Variants in LHPP observed in about 807,000 individuals in gnomAD.
The protein encoded by LHPP is phospholysine phosphohistidine inorganic pyrophosphate phosphatase.
In LHPP, 24 loss-of-function variants were observed where a neutral mutation model predicts 30.3. The observed-to-expected ratio is 0.79, with a 90% CI of 0.57 to 1.11. The LOEUF (loss-of-function observed/expected upper bound fraction) is 1.11, where lower values mean the gene tolerates loss of function less well. Ranked by LOEUF, LHPP falls within the 50% of genes most tolerant of loss-of-function variation. LHPP has a pLI of 0.00. For missense variants in LHPP, 356 were observed against 367.2 expected (o/e 0.97, Z 0.25); for synonymous variants, 150 against 157.1 (o/e 0.95, Z 0.34).
chr10:124,495,676 C>T (rs887336567), intron 3 of LHPP, among the ~76,000 whole-genome samples: 2 of 152,188 alleles, frequency 1.3e-5, no homozygotes, highest in Non-Finnish European at 2.9e-5. Flanking sequence ...ACATTTCAGC[C>T]CCCAAATTGA....
chr10:124,613,202 T>C, intron 6 of LHPP, 62 bp from the exon 7 acceptor site: 1 of 1,212,912 alleles, frequency 8.2e-7, no homozygotes, highest in East Asian at 2.3e-5. Flanking sequence ...GCTGGGAGGG[T>C]GGGTGTGGCT....
chr10:124,489,426 G>A (rs929668606), intron 3 of LHPP, among the ~76,000 whole-genome samples: 7 of 152,108 alleles, frequency 4.6e-5, no homozygotes, highest in African/African-American at 7.2e-5. Context: ...ATGTCTTGGG[G>A]CATGGTTATC....
intron 6 of LHPP, among the ~76,000 whole-genome samples, chr10:124,551,971 C>T (rs1054855682): frequency 1.3e-5 from 2 of 152,156 alleles, no homozygotes; most frequent in African/African-American, 4.8e-5. Flanking sequence ...CCCATCACAG[C>T]CTCCCCACTG....
chr10:124,475,376 C>CT lies in LHPP; in HGVS notation c.126-8762dup, dbSNP rs530036191. Among the ~76,000 whole-genome samples the CT allele has an allele frequency of 4.7e-3, 715 of 151,764 alleles. 6 individuals carry two copies. Among genetic ancestry groups the CT allele is most frequent in the African/African-American group, 0.017 (693 of 41,458 alleles). On this transcript the variant is annotated intron_variant, in intron 1 of 6. Coordinates refer to ENST00000368842, the MANE Select transcript of LHPP (RefSeq NM_022126.4). ...CCAACATGGTGAAACCCCATCTCTA[C>CT]TAAAAATACAAAAAATAAGCTGGGC...
chr10:124,502,371 CT>C (rs199524033), intron 5 of LHPP, among the ~76,000 whole-genome samples: 12 of 147,286 alleles, frequency 8.1e-5, no homozygotes, highest in South Asian at 4.3e-4. Flanking sequence ...CAGTAATTAT[CT>C]TTTTTTTTTT....
intron 6 of LHPP, among the ~76,000 whole-genome samples, chr10:124,564,014 G>A (rs996536772): frequency 2.8e-5 from 4 of 144,514 alleles, no homozygotes; most frequent in South Asian, 2.2e-4. Context: ...TGGTATGATC[G>A]TGGCTCACTG....
intron 6 of LHPP, among the ~76,000 whole-genome samples, chr10:124,537,214 G>T (rs1163821707): frequency 2.0e-5 from 3 of 152,156 alleles, no homozygotes; most frequent in Non-Finnish European, 4.4e-5. Context: ...CACCTCACTC[G>T]CCCAGTCTCC....
rs1271006510 is a variant in LHPP at position 124,517,620 on chromosome 10, G to A, written c.716+349G>A. 1.3e-5 allele frequency among the ~76,000 whole-genome samples: 2 copies of A among 152,152 alleles called. No homozygotes were observed. Among genetic ancestry groups the A allele is most frequent in the African/African-American group, 4.8e-5 (2 of 41,444 alleles). ...GCAATTTGATCAGACCCTGCACTAC[G>A]GCAGTTACAGCTGTGGGCACTCAGC... On this transcript the variant is annotated intron_variant, in intron 6 of 6. Transcript: ENST00000368842. The surrounding 1 kb of genome is among the most constrained non-coding windows in gnomAD (Gnocchi z 4.1).
chr10:124,521,868 TACACAC>T (rs372620418), intron 6 of LHPP, among the ~76,000 whole-genome samples: 1 of 149,860 alleles, frequency 6.7e-6, no homozygotes, highest in Non-Finnish European at 1.5e-5. Context: ...CACTTACACG[TACACAC>T]ACACACACAC....
At chr10:124,555,877 G>T (rs186489109) in intron 6 of LHPP, among the ~76,000 whole-genome samples, 115 of 152,248 alleles carry the variant, frequency 7.6e-4, no homozygotes, top group African/African-American at 2.4e-3. Context: ...TGCTGAACCT[G>T]CACCCAAGTC....
chr10:124,571,675 G>C (rs934170562), intron 6 of LHPP, among the ~76,000 whole-genome samples: 1 of 138,430 alleles, frequency 7.2e-6, no homozygotes, highest in Non-Finnish European at 1.6e-5. Flanking sequence ...TTATACTACA[G>C]ACTTTTTGTG....
intron 6 of LHPP, among the ~76,000 whole-genome samples, chr10:124,607,410 C>T (rs1460012791): frequency 6.6e-6 from 1 of 152,250 alleles, no homozygotes; most frequent in East Asian, 1.9e-4. Context: ...CCACGATTTC[C>T]GCTGCGTGTG....
intron 6 of LHPP, among the ~76,000 whole-genome samples, chr10:124,520,380 G>A (rs941936615): frequency 3.3e-5 from 5 of 152,040 alleles, no homozygotes; most frequent in East Asian, 1.9e-4. Flanking sequence ...GTGTAGTGCC[G>A]GGCACACAGC....
intron 6 of LHPP, among the ~76,000 whole-genome samples, chr10:124,566,916 C>CT (rs2133976320): frequency 6.6e-6 from 1 of 152,326 alleles, no homozygotes; most frequent in East Asian, 1.9e-4. Flanking sequence ...AGCAGGGGTG[C>CT]AGAAGAGAAA....
At chr10:124,543,312 T>A (rs1322312139) in intron 6 of LHPP, among the ~76,000 whole-genome samples, 1 of 152,224 alleles carries the variant, frequency 6.6e-6, no homozygotes, top group Non-Finnish European at 1.5e-5. Flanking sequence ...CTGCCTGTCC[T>A]CCAGACCCCT....
chr10:124,483,799 G>C (rs1953224203), intron 1 of LHPP, among the ~76,000 whole-genome samples: 1 of 151,468 alleles, frequency 6.6e-6, no homozygotes, highest in South Asian at 2.1e-4. Context: ...GGCACAGGTA[G>C]AGAGGCGGGG....
intron 1 of LHPP, among the ~76,000 whole-genome samples, chr10:124,472,971 A>G (rs1952832398): frequency 6.6e-6 from 1 of 152,208 alleles, no homozygotes; most frequent in African/African-American, 2.4e-5. Context: ...GACTGAGGAA[A>G]ATCTGATGGC....
At chr10:124,483,752 C>T (rs574908473) in intron 1 of LHPP, among the ~76,000 whole-genome samples, 29 of 149,730 alleles carry the variant, frequency 1.9e-4, no homozygotes, top group African/African-American at 6.9e-4. Context: ...AGCGAGACTC[C>T]ATCTCAAAAA....
intron 6 of LHPP, among the ~76,000 whole-genome samples, chr10:124,520,452 G>A (rs1034593897): frequency 1.1e-4 from 17 of 152,134 alleles, no homozygotes; most frequent in Admixed American, 2.0e-4. Flanking sequence ...ATATCCATCC[G>A]TATCCATGCA....
Sources: allele counts gnomAD v4.1 joint callset (sites outside exome capture counted in the v4.1 genomes callset), GRCh38; gene constraint gnomAD v4.1.1; non-coding constraint Gnocchi (gnomAD v3.1); transcripts MANE v1.5; gene names NCBI Gene and HGNC (gene_info 2026-07-23, HGNC 2026-07-21).